Variants in DPH5 observed in about 807,000 individuals in gnomAD.
DPH5 encodes diphthine methyl ester synthase.
A neutral mutation model predicts 31.6 loss-of-function variants in DPH5; 31 were observed. The ratio of observed to expected loss-of-function variants is 0.98; its 90% CI spans 0.74 to 1.32. The LOEUF is 1.32. Ranked by LOEUF, DPH5 falls within the 40% of genes most tolerant of loss-of-function variation. The probability of loss-of-function intolerance (pLI) is 0.00; values close to 1 mark genes in which losing one functional copy is unlikely to be tolerated. For synonymous variants in DPH5, 120 were observed against 115.0 expected (o/e 1.04, Z -0.28); for missense variants, 309 against 335.7 (o/e 0.92, Z 0.62).
At chr1:101,006,640 C>T (rs1241410058) in intron 4 of DPH5, among the ~76,000 whole-genome samples, 1 of 151,602 alleles carries the variant, frequency 6.6e-6, no homozygotes, top group African/African-American at 2.4e-5. Flanking sequence ...TACATTAGTC[C>T]CTGGACAACA....
chr1:100,992,722 T>A lies in DPH5; in HGVS notation c.549A>T (p.Glu183Asp). Reference sequence around the variant, plus strand: ...GGTTTACACTCATATACCGTGGAGGTTCATAGATCTTCCTTCCCCTATAGG... The same window carrying A: ...GGTTTACACTCATATACCGTGGAGGATCATAGATCTTCCTTCCCCTATAGG... ...ENLIKGRKIY[E>D]PPRYMSVNQA... is the part of the protein sequence containing the mutation. The change falls in exon 7 of 8, where the codon GAA (glutamate) becomes GAT (aspartate). Residue 183 changes from glutamate to aspartate, a missense_variant. Glu to Asp is a conservative substitution (Grantham distance 45). Transcript: ENST00000370109. 5 of 1,612,656 alleles carry A rather than the reference T, an allele frequency of 3.1e-6. No homozygotes were observed. Among genetic ancestry groups the A allele is most frequent in the Non-Finnish European group, 3.4e-6 (4 of 1,178,998 alleles).
At chr1:101,025,193 G>T (rs751728149) in intron 2 of DPH5, 116 bp downstream of exon 2, 7 of 1,250,978 alleles carry the variant, frequency 5.6e-6, no homozygotes, top group Non-Finnish European at 6.5e-6. Flanking sequence ...ATGAACAAGG[G>T]ATGCGTTTCA....
Position 100,990,081 on chromosome 1 carries a change from A to G in DPH5, c.*327T>C. ...GACTGGGTAATTATAAAAGAGGTTT[A>G]ATTTTCGACTCACAGTTCCACATGG... On this transcript the variant is annotated 3_prime_UTR_variant, in exon 8 of 8. Transcript: ENST00000370109. The G allele has an allele frequency of 3.3e-6, 1 of 305,924 alleles. No individual in the cohort carries two copies. Among genetic ancestry groups the G allele is most frequent in the South Asian group, 4.0e-5 (1 of 24,984 alleles). The allele number at this position is 305,924 out of a possible 1,614,324, so 19.0% of individuals were successfully genotyped here.
intron 3 of DPH5, among the ~76,000 whole-genome samples, chr1:101,018,839 A>G (rs909578551): frequency 3.4e-4 from 52 of 152,234 alleles, no homozygotes; most frequent in African/African-American, 1.1e-3. Context: ...TATCATATAC[A>G]TAAATTTACA....
At chr1:101,014,756 T>C (rs992720865) in intron 3 of DPH5, among the ~76,000 whole-genome samples, 12 of 152,234 alleles carry the variant, frequency 7.9e-5, no homozygotes, top group Non-Finnish European at 1.8e-4. Context: ...GCCAATCTTC[T>C]CAAACCCTGC....
At chr1:101,010,915 T>G (rs1455565382) in intron 4 of DPH5, among the ~76,000 whole-genome samples, 2 of 152,198 alleles carry the variant, frequency 1.3e-5, no homozygotes, top group Non-Finnish European at 2.9e-5. Context: ...AGCAATAGCT[T>G]CAGTATCACC....
At chr1:101,023,217 T>C (rs1193307974) in intron 2 of DPH5, 1 of 151,850 alleles carries the variant, frequency 6.6e-6, no homozygotes, top group East Asian at 1.9e-4. Flanking sequence ...TAATAAATAA[T>C]AATAATAATA....
intron 3 of DPH5, among the ~76,000 whole-genome samples, chr1:101,020,055 AG>A (rs1660336625): frequency 6.6e-6 from 1 of 152,244 alleles, no homozygotes; most frequent in Non-Finnish European, 1.5e-5. Context: ...TAGAGAAAAA[AG>A]AAAGACTTCA....
At chr1:101,021,032 C>T (rs559328762) in intron 3 of DPH5, among the ~76,000 whole-genome samples, 2 of 152,184 alleles carry the variant, frequency 1.3e-5, no homozygotes, top group East Asian at 3.9e-4. Context: ...CTTAGGTAAC[C>T]AGCTGTAGAC....
At chr1:101,022,827 T>C (rs948910751) in intron 2 of DPH5, 2 of 152,210 alleles carry the variant, frequency 1.3e-5, no homozygotes, top group African/African-American at 4.8e-5. Context: ...GTAGGTGTTC[T>C]GTGAAGTTAA....
intron 2 of DPH5, among the ~76,000 whole-genome samples, chr1:101,023,530 A>G (rs901501749): frequency 2.0e-5 from 3 of 152,254 alleles, no homozygotes; most frequent in Admixed American, 2.0e-4. Flanking sequence ...TGACTCTGTA[A>G]GTAGTAACTC....
chr1:100,999,546 T>G lies in DPH5; in HGVS notation c.490+1921A>C, dbSNP rs59011044. On this transcript the variant is annotated intron_variant, in intron 5 of 7. Transcript: ENST00000370109. The stretch of plus-strand genomic sequence containing the variant: ...CTATATTATGCAAATAGCTTAAAAA[T>G]TTTTGGCAAATTGGCCAGGTGCAGT... Among the ~76,000 whole-genome samples the G allele has an allele frequency of 2.0e-4, 31 of 152,180 alleles. No individual in the cohort carries two copies. In the East Asian group the frequency reaches 6.0e-3, roughly 29 times the overall value.
Position 101,024,902 on chromosome 1 carries a change from A to C in DPH5, c.135+407T>G, listed in dbSNP as rs539816781. ...AAGGCAATCGCCATTCCCTATGGAC[A>C]CACTTCAAAGGGGGAAGCTTTCAGC... On this transcript the variant is annotated intron_variant, in intron 2 of 7. Transcript: ENST00000370109. 22 of 169,336 alleles carry C rather than the reference A, an allele frequency of 1.3e-4. 1 individual carries two copies. In the South Asian group the frequency reaches 3.1e-3, roughly 24 times the overall value. 10.5% of individuals were successfully genotyped at this position (169,336 alleles called of 1,614,324 possible).
intron 4 of DPH5, among the ~76,000 whole-genome samples, chr1:101,011,302 A>G (rs1471466345): frequency 6.6e-6 from 1 of 152,234 alleles, no homozygotes; most frequent in Non-Finnish European, 1.5e-5. Context: ...TATAAGAAGT[A>G]TATCTTCATA....
chr1:101,005,512 C>T (rs143089026), intron 4 of DPH5, among the ~76,000 whole-genome samples: 3 of 152,292 alleles, frequency 2.0e-5, no homozygotes, highest in African/African-American at 7.2e-5. Flanking sequence ...AGAGTATGCA[C>T]ATGGCCACAC....
chr1:101,020,198 C>T (rs1253463112), intron 3 of DPH5, among the ~76,000 whole-genome samples: 3 of 152,114 alleles, frequency 2.0e-5, no homozygotes, highest in Non-Finnish European at 4.4e-5. Flanking sequence ...TCCTGGCCCA[C>T]CCTATAATCT....
Position 100,990,527 on chromosome 1 carries a change from C to T in DPH5, c.739G>A (p.Glu247Lys). The change falls in exon 8 of 8, where the codon GAA becomes AAA. Residue 247 changes from glutamate (E) to lysine (K), a missense_variant. Physicochemically the swap from Glu to Lys is moderately conservative, Grantham distance 56. Coordinates refer to ENST00000370109, the MANE Select transcript of DPH5 (RefSeq NM_015958.3). ...LRQMCTVDLG[E>K]PLHSLIITGG... ...GTGATGATCAAGGAATGCAATGGTT[C>T]TCCCAAGTCCACAGTGCACATTTGC... The T allele has an allele frequency of 6.2e-7, 1 of 1,614,164 alleles. No individual in the cohort carries two copies. The highest frequency in any genetic ancestry group is 1.1e-5 in the South Asian group (1 of 91,088).
At chr1:101,012,592 A>C (rs904598851) in intron 4 of DPH5, among the ~76,000 whole-genome samples, 2 of 152,252 alleles carry the variant, frequency 1.3e-5, no homozygotes, top group African/African-American at 4.8e-5. Context: ...GACTTACTCC[A>C]ACACAGAAAT....
rs1041369300 is a variant in DPH5, at chr1:101,020,792, C to T, written c.260+849G>A. On this transcript the variant is annotated intron_variant, in intron 3 of 7. Coordinates refer to ENST00000370109, the MANE Select transcript of DPH5 (RefSeq NM_015958.3). Reference sequence around the variant, plus strand: ...TCCTTATCCACCACATTCATCTTGGCATTCTTCTTCTAAATATGTTCCCAT... The same window carrying T: ...TCCTTATCCACCACATTCATCTTGGTATTCTTCTTCTAAATATGTTCCCAT... Among the ~76,000 whole-genome samples the T allele has an allele frequency of 3.9e-5, 6 of 152,082 alleles. No individual in the cohort carries two copies. The South Asian group carries it at 8.3e-4, about 21-fold the overall frequency.
Sources: gnomAD v4.1 joint callset for allele counts (sites outside exome capture counted in the v4.1 genomes callset) on GRCh38, gnomAD v4.1.1 for gene constraint, MANE v1.5 for transcripts, NCBI Gene and HGNC (gene_info 2026-07-23, HGNC 2026-07-21) for gene names.